USP6NL: variants seen among roughly 807,000 people sequenced by gnomAD.
USP6NL encodes USP6 N-terminal like, also known as USP6 N-terminal-like protein.
In USP6NL, 26 loss-of-function variants were observed where a neutral mutation model predicts 61.9. The observed-to-expected ratio is 0.42, with a 90% CI of 0.31 to 0.58. USP6NL has a LOEUF of 0.58. Ranked by LOEUF, USP6NL falls within the 20% of genes least tolerant of loss-of-function variation. USP6NL has a pLI of 0.16. For synonymous variants in USP6NL, 432 were observed against 390.1 expected, an observed-to-expected ratio of 1.11 and a Z score of -1.27; for missense variants, 1,114 against 1,034.3, an observed-to-expected ratio of 1.08 and a Z score of -1.06.
At chr10:11,517,793 T>C (rs1835019449) in intron 5 of USP6NL, among the ~76,000 whole-genome samples, 1 of 152,240 alleles carries the variant, frequency 6.6e-6, no homozygotes. Context: ...CTTCATTACC[T>C]GAAATTCAGC....
intron 5 of USP6NL, among the ~76,000 whole-genome samples, chr10:11,512,928 C>T (rs1834787123): frequency 6.6e-6 from 1 of 152,198 alleles, no homozygotes; most frequent in African/African-American, 2.4e-5. Flanking sequence ...ACTACCTAAT[C>T]TTTCTGTACC....
chr10:11,514,614 T>C (rs1329806919), intron 5 of USP6NL, among the ~76,000 whole-genome samples: 1 of 152,172 alleles, frequency 6.6e-6, no homozygotes, highest in African/African-American at 2.4e-5. Context: ...TCTTTTACCA[T>C]TTCTTAGTGT....
intron 2 of USP6NL, 51 bp from the exon 3 acceptor site, chr10:11,527,618 A>G (rs1566159662): frequency 3.3e-6 from 5 of 1,502,922 alleles, no homozygotes; most frequent in Admixed American, 2.0e-5. Context: ...AGAATCGTAA[A>G]GTTAATTAAT....
At chr10:11,479,496 A>T (rs558975105) in intron 14 of USP6NL, among the ~76,000 whole-genome samples, 2 of 151,988 alleles carry the variant, frequency 1.3e-5, no homozygotes, top group East Asian at 3.9e-4. Flanking sequence ...CTCATTGCAC[A>T]TGACTCGGGG....
In USP6NL at chr10:11,463,533, AT is replaced by A; in HGVS notation, c.1394del (p.Asn465IlefsTer70). The A allele has an allele frequency of 6.2e-7, 1 of 1,614,002 alleles. No individual in the cohort carries two copies. Among genetic ancestry groups the A allele is most frequent in the Non-Finnish European group, 8.5e-7 (1 of 1,179,896 alleles). On this transcript the variant is annotated frameshift_variant, in exon 15 of 15. Coordinates refer to ENST00000609104, the MANE Select transcript of USP6NL (RefSeq NM_014688.5). LOFTEE classifies it low-confidence loss of function (END_TRUNC). This position sits in a 1 kb window ranked among gnomAD's most constrained non-coding sequence, Gnocchi z 6.3. ...TGCTATTTTGGTTGGCAGCTGCGTG[AT>A]TATATTGCCTGGAACTGTCCTGTGG... ...SGPQDSSRQY[N>X]HAAANQNSNA...
At position 11,490,979 on chromosome 10, in the gene USP6NL, TAA is replaced by T. The variant is rs1833690494; in HGVS notation, c.495-101_495-100del. The T allele has an allele frequency of 1.9e-6, 2 of 1,035,072 alleles. No homozygotes were observed. The highest frequency in any genetic ancestry group is 2.7e-6 in the Non-Finnish European group (2 of 730,970). The allele number at this position is 1,035,072 out of a possible 1,614,324, so 64.1% of individuals were successfully genotyped here. On this transcript the variant is annotated intron_variant, in intron 8 of 14. Transcript: ENST00000609104. This position sits in a 1 kb window ranked among gnomAD's most constrained non-coding sequence, Gnocchi z 4.5. Reference sequence around the variant, plus strand: ...AAACCAAAGACTGACTGAAAACAGATAATCCAGATAAAATTACTAATGTAATA... The same window carrying T: ...AAACCAAAGACTGACTGAAAACAGATTCCAGATAAAATTACTAATGTAATA...
intron 1 of USP6NL, among the ~76,000 whole-genome samples, chr10:11,610,645 T>A (rs1838858219): frequency 6.6e-6 from 1 of 151,284 alleles, no homozygotes; most frequent in African/African-American, 2.4e-5. Flanking sequence ...TCCATTCGTC[T>A]CGCACTATTT....
rs949271094 is a variant in USP6NL at position 11,553,167 on chromosome 10, T to C, written c.5-25600A>G. Among the ~76,000 whole-genome samples the C allele has an allele frequency of 2.0e-5, 3 of 152,224 alleles. No individual in the cohort carries two copies. The highest frequency in any genetic ancestry group is 4.4e-5 in the Non-Finnish European group (3 of 68,032). ...CAATCATCCTTCCTTTTACATTTGC[T>C]CCACTATCACATTAATCCACAACCA... On this transcript the variant is annotated intron_variant, in intron 2 of 14. Transcript: ENST00000609104. The surrounding 1 kb of genome is among the most constrained non-coding windows in gnomAD (Gnocchi z 4.8).
At chr10:11,543,803 G>GGT (rs1836161546) in intron 2 of USP6NL, among the ~76,000 whole-genome samples, 38 of 76,386 alleles carry the variant, frequency 5.0e-4, no homozygotes, top group African/African-American at 1.2e-3. Flanking sequence ...AAATATTTAG[G>GGT]TTTTTTTTTT....
intron 2 of USP6NL, among the ~76,000 whole-genome samples, chr10:11,568,240 C>T (rs1386192113): frequency 4.6e-5 from 7 of 151,886 alleles, no homozygotes; most frequent in Non-Finnish European, 8.8e-5. Flanking sequence ...CACTGTAATT[C>T]AAGAGGTTAC....
chr10:11,515,930 G>C (rs868160849), intron 5 of USP6NL, among the ~76,000 whole-genome samples: 1 of 152,040 alleles, frequency 6.6e-6, no homozygotes, highest in African/African-American at 2.4e-5. Context: ...AGATTTTTTT[G>C]ATATAAATAG....
rs1329886143 is a variant in USP6NL at position 11,484,997 on chromosome 10, G to C, written c.899C>G (p.Ser300Cys). 2 of 1,548,900 alleles carry C rather than the reference G, an allele frequency of 1.3e-6. No homozygotes were observed. Among genetic ancestry groups the C allele is most frequent in the Admixed American group, 4.0e-5 (2 of 50,242 alleles). ...FEGERVLTAMSYTILKLHKKH... is the reference protein window; with the variant it reads ...FEGERVLTAMCYTILKLHKKH... The stretch of plus-strand genomic sequence containing the variant: ...TTTGTGTAATTTTAAGATGGTGTAA[G>C]ACATAGCAGTAAGAACTCGTTCTCC... The change falls in exon 13 of 15, where the codon TCT (serine) becomes TGT (cysteine). Residue 300 changes from serine (S) to cysteine (C), a missense_variant. Transcript: ENST00000609104.
At chr10:11,515,644 A>G (rs775582445) in intron 5 of USP6NL, among the ~76,000 whole-genome samples, 11 of 152,196 alleles carry the variant, frequency 7.2e-5, no homozygotes, top group African/African-American at 2.7e-4. Context: ...AAACCGACAC[A>G]TATCTTGGTA....
chr10:11,594,125 C>CTCT (rs1838245092), intron 2 of USP6NL, among the ~76,000 whole-genome samples: 1 of 152,098 alleles, frequency 6.6e-6, no homozygotes, highest in Non-Finnish European at 1.5e-5. Context: ...AAAACAAGAA[C>CTCT]TCTGACACAC....
Position 11,553,012 on chromosome 10 carries a change from C to T in USP6NL, c.5-25445G>A, listed in dbSNP as rs1302866233. Among the ~76,000 whole-genome samples the T allele has an allele frequency of 6.6e-6, 1 of 152,198 alleles. No homozygotes were observed. The highest frequency in any genetic ancestry group is 1.5e-5 in the Non-Finnish European group (1 of 68,036). ...TTTGGAGTCTCCAATGTGTGTTCCT[C>T]TCTCTATGACTATGTGTACCCATTG... is the stretch of plus-strand genomic sequence containing the variant. On this transcript the variant is annotated intron_variant, in intron 2 of 14. Transcript: ENST00000609104. The surrounding 1 kb of genome is among the most constrained non-coding windows in gnomAD (Gnocchi z 4.8).
In USP6NL at chr10:11,543,863, G is replaced by A. The variant is rs1836168772; in HGVS notation, c.5-16296C>T. On this transcript the variant is annotated intron_variant, in intron 2 of 14. Transcript: ENST00000609104. ...AGTCTCGCTGTGTCACCAGGATGGA[G>A]TGCAGTGGCGCAGTCTCGGCTCACT... Among the ~76,000 whole-genome samples, 3 of 137,608 alleles carry A rather than the reference G, an allele frequency of 2.2e-5. No individual in the cohort carries two copies. In the South Asian group the frequency reaches 7.5e-4, roughly 34 times the overall value. The allele number at this position is 137,608 out of a possible 152,430, so 90.3% of individuals were successfully genotyped here.
At position 11,485,249 on chromosome 10, in the gene USP6NL, A is replaced by C; in HGVS notation, c.760-15T>G. On this transcript the variant is annotated splice_polypyrimidine_tract_variant and intron_variant, in intron 11 of 14. Coordinates refer to ENST00000609104, the MANE Select transcript of USP6NL (RefSeq NM_014688.5). The surrounding 1 kb of genome is among the most constrained non-coding windows in gnomAD (Gnocchi z 4.8). The stretch of plus-strand genomic sequence containing the variant: ...TCTTGAGAATCCTGAAAAAACAAAG[A>C]GCTCACAATTTATGGATTGTAGCAA... 1.3e-6 allele frequency: 2 copies of C among 1,515,416 alleles called. No individual in the cohort carries two copies. The highest frequency in any genetic ancestry group is 1.8e-6 in the Non-Finnish European group (2 of 1,137,042). The allele number at this position is 1,515,416 out of a possible 1,614,324, so 93.9% of individuals were successfully genotyped here. A position where few individuals can be genotyped will look rare whatever the true frequency, so the allele number is the denominator to read the frequency against.
chr10:11,593,037 A>C (rs1838204514), intron 2 of USP6NL, among the ~76,000 whole-genome samples: 1 of 152,238 alleles, frequency 6.6e-6, no homozygotes. Flanking sequence ...TCATATCGAA[A>C]AATGACCTCA....
chr10:11,463,041 G>T lies in USP6NL; in HGVS notation c.1887C>A (p.Pro629=), dbSNP rs1415097153. 2 of 1,613,906 alleles carry T rather than the reference G, an allele frequency of 1.2e-6. No individual in the cohort carries two copies. Among genetic ancestry groups the T allele is most frequent in the South Asian group, 1.1e-5 (1 of 91,088 alleles). Residue 629 remains proline, a synonymous_variant, in exon 15 of 15, where the codon CCC becomes CCA. Coordinates refer to ENST00000609104, the MANE Select transcript of USP6NL (RefSeq NM_014688.5). This position sits in a 1 kb window ranked among gnomAD's most constrained non-coding sequence, Gnocchi z 6.3. ...AAACGGGGGGATTGCTGTAGGAGGG[G>T]GGATGAGCTAGCCCTCGGGCTTCCC... ...LDGEARGLAH[P]PSYSNPPVYH...
Sources: allele counts gnomAD v4.1 joint callset (sites outside exome capture counted in the v4.1 genomes callset), GRCh38; gene constraint gnomAD v4.1.1; non-coding constraint Gnocchi (gnomAD v3.1); transcripts MANE v1.5; gene names NCBI Gene and HGNC (gene_info 2026-07-23, HGNC 2026-07-21).